The following DGKB variants were observed in gnomAD, a reference collection of about 807,000 sequenced individuals.
DGKB encodes the protein diacylglycerol kinase beta, also known as 90 kDa diacylglycerol kinase.
In DGKB, 67 loss-of-function variants were observed where a neutral mutation model predicts 114.3. The ratio of observed to expected loss-of-function variants is 0.59; its 90% CI spans 0.48 to 0.72. The LOEUF (loss-of-function observed/expected upper bound fraction) is 0.72. DGKB is among the 30% of genes least tolerant of loss of function. The pLI, the probability that DGKB is intolerant of heterozygous loss-of-function variation, is 0.00. For synonymous variants in DGKB, 398 were observed against 323.1 expected, an observed-to-expected ratio of 1.23 and a Z score of -2.49; for missense variants, 907 against 975.2, an observed-to-expected ratio of 0.93 and a Z score of 0.93.
In DGKB at chr7:14,720,473, TTGTGTGTGTGTGTGTGTGTGTGTG is replaced by T. The variant is rs61654464; in HGVS notation, c.323-1812_323-1789del. ...GTGCGGGACACCACGCCCGGCTGAT[TTGTGTGTGTGTGTGTGTGTGTGTG>T]TGTGTGTGTGTGTGTGTGTGTATGT... On this transcript the variant is annotated intron_variant, in intron 5 of 25. Coordinates refer to ENST00000402815, the MANE Select transcript of DGKB (RefSeq NM_001350709.2). 2.8e-4 allele frequency among the ~76,000 whole-genome samples: 38 copies of T among 136,560 alleles called. 1 individual carries two copies. In the East Asian group the frequency reaches 7.8e-3, roughly 28 times the overall value. The allele number at this position is 136,560 out of a possible 152,430, so 89.6% of individuals were successfully genotyped here.
intron 23 of DGKB, among the ~76,000 whole-genome samples, chr7:14,178,491 A>G (rs548436824): frequency 6.6e-6 from 1 of 152,208 alleles, no homozygotes; most frequent in East Asian, 1.9e-4. Flanking sequence ...GACCATTTAT[A>G]CATCCCACAT....
chr7:14,774,693 C>T (rs1295156708), intron 2 of DGKB, among the ~76,000 whole-genome samples: 1 of 152,034 alleles, frequency 6.6e-6, no homozygotes, highest in Non-Finnish European at 1.5e-5. Flanking sequence ...CTCAGGAAAT[C>T]CAAGTTAATA....
intron 1 of DGKB, among the ~76,000 whole-genome samples, chr7:14,963,867 C>T (rs1176257628): frequency 6.6e-6 from 1 of 151,896 alleles, no homozygotes; most frequent in African/African-American, 2.4e-5. Flanking sequence ...CACTGGCAAA[C>T]GTGAATAAAT....
chr7:14,281,150 A>G (rs1011092956), intron 23 of DGKB, among the ~76,000 whole-genome samples: 15 of 150,640 alleles, frequency 1.0e-4, no homozygotes, highest in African/African-American at 3.4e-4. Flanking sequence ...GGCTCAAAAT[A>G]AAAGGATGGA....
chr7:14,709,674 G>C (rs1826985324), intron 6 of DGKB, among the ~76,000 whole-genome samples: 4 of 146,630 alleles, frequency 2.7e-5, no homozygotes, highest in East Asian at 2.1e-4. Context: ...TAGGGACATG[G>C]ATGAAATTGG....
intron 13 of DGKB, among the ~76,000 whole-genome samples, chr7:14,669,645 A>G (rs1818623479): frequency 1.3e-5 from 2 of 152,202 alleles, no homozygotes; most frequent in African/African-American, 2.4e-5. Context: ...TGATTACTGT[A>G]CAATTAATGT....
intron 5 of DGKB, among the ~76,000 whole-genome samples, chr7:14,733,800 GGGAGGGAA>G (rs1378037243): frequency 4.2e-4 from 58 of 137,610 alleles, no homozygotes; most frequent in African/African-American, 1.5e-3. Context: ...AAGGGAGAGA[GGGAGGGAA>G]GGAGGGAAGG....
chr7:14,689,141 A>C (rs989649641), intron 9 of DGKB, among the ~76,000 whole-genome samples: 2 of 149,200 alleles, frequency 1.3e-5, no homozygotes, highest in Admixed American at 1.3e-4. Context: ...AAATTACCTT[A>C]CTTTTTGTCC....
intron 23 of DGKB, among the ~76,000 whole-genome samples, chr7:14,244,896 G>C (rs1204093870): frequency 3.3e-5 from 5 of 151,958 alleles, no homozygotes; most frequent in Non-Finnish European, 7.4e-5. Context: ...GTAAATTTCT[G>C]TTATCTGTAA....
intron 2 of DGKB, among the ~76,000 whole-genome samples, chr7:14,770,610 A>G (rs1021280292): frequency 5.3e-5 from 8 of 152,134 alleles, no homozygotes; most frequent in African/African-American, 1.9e-4. Flanking sequence ...TTGCAAATAT[A>G]GTTCCTTTGA....
intron 4 of DGKB, among the ~76,000 whole-genome samples, chr7:14,738,737 T>C (rs1832109274): frequency 6.6e-6 from 1 of 152,228 alleles, no homozygotes. Context: ...TGGTTCATTG[T>C]TGTCCTTGTT....
At chr7:14,503,470 T>G (rs1270877951) in intron 20 of DGKB, among the ~76,000 whole-genome samples, 1 of 152,208 alleles carries the variant, frequency 6.6e-6, no homozygotes, top group African/African-American at 2.4e-5. Flanking sequence ...ATGATCTATA[T>G]TTTGACTCAT....
intron 6 of DGKB, among the ~76,000 whole-genome samples, chr7:14,713,633 T>A (rs894932688): frequency 8.3e-6 from 1 of 119,784 alleles, no homozygotes; most frequent in Non-Finnish European, 1.9e-5. Context: ...CCTCTCTTGG[T>A]CTTTTTTTTT....
chr7:14,486,500 G>A (rs1197026572), intron 20 of DGKB, among the ~76,000 whole-genome samples: 3 of 152,104 alleles, frequency 2.0e-5, no homozygotes, highest in African/African-American at 7.2e-5. Context: ...AAGACATCCA[G>A]CCCCAGGTGA....
intron 2 of DGKB, among the ~76,000 whole-genome samples, chr7:14,776,971 G>C (rs1263869513): frequency 6.6e-6 from 1 of 152,186 alleles, no homozygotes; most frequent in East Asian, 1.9e-4. Flanking sequence ...CAGGGGTGGA[G>C]ATTCCCAAGG....
chr7:14,925,501 A>G (rs1189840050), intron 1 of DGKB, among the ~76,000 whole-genome samples: 3 of 152,152 alleles, frequency 2.0e-5, no homozygotes, highest in African/African-American at 7.2e-5. Flanking sequence ...GAGTATTGAT[A>G]GATTTTATTA....
intron 23 of DGKB, among the ~76,000 whole-genome samples, chr7:14,304,849 T>C (rs1024113454): frequency 6.6e-6 from 1 of 152,170 alleles, no homozygotes; most frequent in African/African-American, 2.4e-5. Context: ...TTGACTATTT[T>C]TGACAATATA....
intron 14 of DGKB, among the ~76,000 whole-genome samples, chr7:14,627,909 C>T (rs897279530): frequency 7.9e-5 from 12 of 151,420 alleles, no homozygotes; most frequent in African/African-American, 1.9e-4. Context: ...TGCCACTGTA[C>T]TCCAGCCTGG....
At chr7:14,212,039 T>C (rs1364294184) in intron 23 of DGKB, among the ~76,000 whole-genome samples, 1 of 59,660 alleles carries the variant, frequency 1.7e-5, no homozygotes, top group African/African-American at 4.7e-5. Flanking sequence ...TACTCTCATG[T>C]TTTGTGATAT....
Sources: gnomAD v4.1 joint callset for allele counts (sites outside exome capture counted in the v4.1 genomes callset) on GRCh38, gnomAD v4.1.1 for gene constraint, MANE v1.5 for transcripts, NCBI Gene and HGNC (gene_info 2026-07-23, HGNC 2026-07-21) for gene names.